The following ACBD3 variants were observed in gnomAD, a reference collection of about 807,000 sequenced individuals.
ACBD3 encodes acyl-CoA binding domain containing 3.
ACBD3 carries 30 observed loss-of-function variants against 66.9 expected under a neutral mutation model. The ratio of observed to expected loss-of-function variants is 0.45; its 90% CI spans 0.34 to 0.61. The LOEUF (loss-of-function observed/expected upper bound fraction) is 0.61, where lower values mean the gene tolerates loss of function less well. ACBD3 is among the 20% of genes least tolerant of loss of function. The pLI is 0.02. For synonymous variants in ACBD3, 278 were observed against 259.8 expected (o/e 1.07, Z -0.68); for missense variants, 544 against 664.5 (o/e 0.82, Z 1.99).
chr1:226,152,727 T>A, intron 6 of ACBD3, 108 bp from the exon 7 acceptor site: 1 of 1,081,948 alleles, frequency 9.2e-7, no homozygotes, highest in East Asian at 2.4e-5. Context: ...CCAAGTACAA[T>A]ATGGTCTAGC....
chr1:226,154,289 C>G (rs901570909), intron 6 of ACBD3, among the ~76,000 whole-genome samples: 1 of 151,916 alleles, frequency 6.6e-6, no homozygotes, highest in Non-Finnish European at 1.5e-5. Context: ...TTCACTGCAG[C>G]CTCAAACTCT....
At position 226,186,607 on chromosome 1, in the gene ACBD3, C is replaced by T. The variant is rs930766867; in HGVS notation, c.69G>A (p.Pro23=). The T allele has an allele frequency of 1.2e-5, 18 of 1,451,642 alleles. No individual in the cohort carries two copies. Among genetic ancestry groups the T allele is most frequent in the Non-Finnish European group, 1.5e-5 (17 of 1,105,028 alleles). The allele number at this position is 1,451,642 out of a possible 1,614,324, so 89.9% of individuals were successfully genotyped here. A position where few individuals can be genotyped will look rare whatever the true frequency, so the allele number is the denominator to read the frequency against. Residue 23 remains proline (P), a synonymous_variant, in exon 1 of 8, where the codon CCG becomes CCA. Coordinates refer to ENST00000366812, the MANE Select transcript of ACBD3 (RefSeq NM_022735.4). ...CGCCCTCCGCCCCAGGCCGCTCCTC[C>T]GGGTCCGGGCTGAGCGTGAGGCCGT... ...SVDGLTLSPD[P]EERPGAEGAP... is the part of the protein sequence containing the mutation.
chr1:226,158,427 G>A (rs554171976), intron 5 of ACBD3, among the ~76,000 whole-genome samples: 6 of 152,272 alleles, frequency 3.9e-5, no homozygotes, highest in East Asian at 1.9e-4. Context: ...TACAAAAATC[G>A]TTCACAGGGT....
At position 226,152,655 on chromosome 1, in the gene ACBD3, G is replaced by C. The variant is rs1304233664; in HGVS notation, c.1091-36C>G. 5.7e-6 allele frequency: 9 copies of C among 1,587,064 alleles called. No individual in the cohort carries two copies. The Admixed American group carries it at 7.2e-5, about 13-fold the overall frequency. ...TAGGTATTAAAAAGCTAAAGAAAAA[G>C]AGCCTTCACCCTGCAGGTAGCCACA... On this transcript the variant is annotated intron_variant, in intron 6 of 7. Transcript: ENST00000366812.
At chr1:226,171,146 A>G (rs1659985979) in intron 1 of ACBD3, among the ~76,000 whole-genome samples, 1 of 123,696 alleles carries the variant, frequency 8.1e-6, no homozygotes, top group Non-Finnish European at 1.7e-5. Flanking sequence ...GATGGTAAGT[A>G]AACAATTTTT....
chr1:226,159,453 C>A, intron 4 of ACBD3, 95 bp from the exon 5 acceptor site: 1 of 1,176,044 alleles, frequency 8.5e-7, no homozygotes, highest in Admixed American at 2.5e-5. Flanking sequence ...CAGTCTGTAA[C>A]TCTTAAAAAC....
chr1:226,182,171 C>A (rs927404843), intron 1 of ACBD3, among the ~76,000 whole-genome samples: 3 of 151,364 alleles, frequency 2.0e-5, no homozygotes, highest in Admixed American at 6.6e-5. Context: ...GCATAGGGGG[C>A]AGTGAGCCAA....
intron 1 of ACBD3, among the ~76,000 whole-genome samples, chr1:226,171,069 T>C (rs894151695): frequency 1.3e-5 from 2 of 152,058 alleles, no homozygotes; most frequent in Non-Finnish European, 2.9e-5. Context: ...CGAGCCACCA[T>C]GCCTGGCCAA....
At chr1:226,185,356 T>G (rs1358313331) in intron 1 of ACBD3, among the ~76,000 whole-genome samples, 1 of 152,238 alleles carries the variant, frequency 6.6e-6, no homozygotes, top group East Asian at 1.9e-4. Flanking sequence ...ATCATTACAT[T>G]GAACTACTCA....
chr1:226,164,775 C>T lies in ACBD3; in HGVS notation c.569+14G>A, dbSNP rs765160885. ...CTGCGCAGCAATAAAGTATTCCATG[C>T]CCTCAAACTTCACCTTTTTTTTTCT... On this transcript the variant is annotated intron_variant, in intron 3 of 7. Transcript: ENST00000366812. 1 of 1,605,476 alleles carries T rather than the reference C, an allele frequency of 6.2e-7. No homozygotes were observed. Among genetic ancestry groups the T allele is most frequent in the Non-Finnish European group, 8.5e-7 (1 of 1,176,134 alleles).
intron 1 of ACBD3, among the ~76,000 whole-genome samples, chr1:226,175,944 T>A (rs896970157): frequency 6.6e-6 from 1 of 152,214 alleles, no homozygotes; most frequent in African/African-American, 2.4e-5. Context: ...TCAAAGATGT[T>A]TAACTTCTGG....
chr1:226,173,565 A>G (rs1366912229), intron 1 of ACBD3, among the ~76,000 whole-genome samples: 2 of 151,908 alleles, frequency 1.3e-5, no homozygotes, highest in Admixed American at 6.6e-5. Flanking sequence ...TTCACACAGT[A>G]CTGAAGTTCT....
intron 1 of ACBD3, among the ~76,000 whole-genome samples, chr1:226,166,484 ATTTT>A (rs200962496): frequency 8.2e-6 from 1 of 122,438 alleles, no homozygotes; most frequent in Non-Finnish European, 1.7e-5. Flanking sequence ...CGGTATGCTG[ATTTT>A]TTTTTTTTTT....
At chr1:226,155,273 T>A (rs1659650590) in intron 5 of ACBD3, among the ~76,000 whole-genome samples, 1 of 151,872 alleles carries the variant, frequency 6.6e-6, no homozygotes, top group African/African-American at 2.4e-5. Flanking sequence ...CAAAATTAGC[T>A]GGGCATGGCA....
chr1:226,151,133 A>G (rs1456301731), intron 7 of ACBD3, among the ~76,000 whole-genome samples: 1 of 152,222 alleles, frequency 6.6e-6, no homozygotes, highest in African/African-American at 2.4e-5. Flanking sequence ...AAGTTGATAG[A>G]ACTTTCAGGC....
intron 1 of ACBD3, among the ~76,000 whole-genome samples, chr1:226,181,516 T>C (rs1656170698): frequency 1.3e-5 from 2 of 152,160 alleles, no homozygotes. Flanking sequence ...AACTATTCCA[T>C]AAAGAAAATG....
intron 1 of ACBD3, among the ~76,000 whole-genome samples, chr1:226,175,921 G>T (rs1656020915): frequency 6.6e-6 from 1 of 152,204 alleles, no homozygotes; most frequent in Non-Finnish European, 1.5e-5. Context: ...GTGGTGGGCA[G>T]AATAATGGCT....
At chr1:226,160,907 G>T (rs956552906) in intron 4 of ACBD3, among the ~76,000 whole-genome samples, 6 of 152,308 alleles carry the variant, frequency 3.9e-5, no homozygotes, top group African/African-American at 1.4e-4. Context: ...ACTGCAACTG[G>T]GTCTCACAGA....
At chr1:226,156,373 T>C (rs1032878309) in intron 5 of ACBD3, among the ~76,000 whole-genome samples, 1 of 152,240 alleles carries the variant, frequency 6.6e-6, no homozygotes, top group Non-Finnish European at 1.5e-5. Flanking sequence ...TGCATTACTT[T>C]TAAGTTATTC....
Sources: gnomAD v4.1 joint callset for allele counts (sites outside exome capture counted in the v4.1 genomes callset) on GRCh38, gnomAD v4.1.1 for gene constraint, MANE v1.5 for transcripts, NCBI Gene and HGNC (gene_info 2026-07-23, HGNC 2026-07-21) for gene names.